Variants in ZNF536 observed in about 807,000 individuals in gnomAD.
The protein encoded by ZNF536 is zinc finger protein 536.
A neutral mutation model predicts 84.5 loss-of-function variants in ZNF536; 13 were observed. That is an observed-to-expected ratio of 0.15 (90% CI 0.10 to 0.24). ZNF536 has a LOEUF of 0.24. ZNF536 is among the 10% of genes least tolerant of loss of function. ZNF536 has a pLI of 1.00. For missense variants in ZNF536, 1,536 were observed against 1,747.5 expected (o/e 0.88, Z 2.16); for synonymous variants, 811 against 742.5 (o/e 1.09, Z -1.50).
intron 2 of ZNF536, among the ~76,000 whole-genome samples, chr19:30,310,384 C>T (rs2046462624): frequency 6.6e-6 from 1 of 152,204 alleles, no homozygotes; most frequent in Admixed American, 6.5e-5. Flanking sequence ...GCTGACATCC[C>T]TGCTTGAGAA....
intron 2 of ZNF536, among the ~76,000 whole-genome samples, chr19:30,452,656 G>T (rs1369179644): frequency 1.3e-5 from 2 of 152,196 alleles, no homozygotes; most frequent in East Asian, 3.9e-4. Context: ...GGAGTGAGTA[G>T]TTAACTCCTT....
At chr19:30,282,951 C>A (rs2045503369) in intron 1 of ZNF536, among the ~76,000 whole-genome samples, 1 of 152,126 alleles carries the variant, frequency 6.6e-6, no homozygotes, top group South Asian at 2.1e-4. Context: ...CCCTGTGGCA[C>A]CCTGAGAAAA....
intron 2 of ZNF536, among the ~76,000 whole-genome samples, chr19:30,292,482 C>T (rs1383325963): frequency 2.0e-5 from 3 of 152,056 alleles, no homozygotes; most frequent in South Asian, 4.1e-4. Context: ...TACAGGCATG[C>T]ACCATCACAC....
chr19:30,518,530 C>T (rs544713285), intron 2 of ZNF536, among the ~76,000 whole-genome samples: 1 of 152,322 alleles, frequency 6.6e-6, no homozygotes, highest in Admixed American at 6.5e-5. Flanking sequence ...TTTGAATAAC[C>T]TTGCAACATT....
intron 1 of ZNF536, among the ~76,000 whole-genome samples, chr19:30,235,089 A>G (rs1040503403): frequency 6.6e-6 from 1 of 152,176 alleles, no homozygotes; most frequent in African/African-American, 2.4e-5. Context: ...TGACACCTGC[A>G]GTGGCCACTA....
intron 1 of ZNF536, among the ~76,000 whole-genome samples, chr19:30,629,653 G>C (rs571169325): frequency 9.1e-4 from 138 of 152,362 alleles, no homozygotes; most frequent in African/African-American, 3.1e-3. Context: ...CTGCCTGCTG[G>C]CCGCAGTGAA....
intron 1 of ZNF536, among the ~76,000 whole-genome samples, chr19:30,229,641 G>T (rs1399850915): frequency 1.3e-5 from 2 of 152,208 alleles, no homozygotes; most frequent in East Asian, 3.9e-4. Flanking sequence ...CCTCTGCTCG[G>T]GGAGAGCCCA....
intron 2 of ZNF536, among the ~76,000 whole-genome samples, chr19:30,514,186 A>G (rs1395555764): frequency 2.0e-5 from 3 of 152,202 alleles, no homozygotes; most frequent in African/African-American, 4.8e-5. Flanking sequence ...GACCTCAGAC[A>G]CACCCCTTCT....
chr19:30,387,041 G>A (rs1185920248), intron 1 of ZNF536, among the ~76,000 whole-genome samples: 3 of 152,224 alleles, frequency 2.0e-5, no homozygotes, highest in Admixed American at 6.5e-5. Flanking sequence ...ATGTGCAGAC[G>A]AGAGTCGGTC....
At chr19:30,310,104 C>G (rs975402503) in intron 2 of ZNF536, among the ~76,000 whole-genome samples, 1 of 152,106 alleles carries the variant, frequency 6.6e-6, no homozygotes, top group Non-Finnish European at 1.5e-5. Context: ...TTTAGTATAA[C>G]GTGTTTGCAT....
chr19:30,655,601 GT>G (rs1399534416), intron 1 of ZNF536, among the ~76,000 whole-genome samples: 3 of 152,236 alleles, frequency 2.0e-5, no homozygotes, highest in African/African-American at 7.2e-5. Context: ...AGGGAATGAG[GT>G]TGGGGAATAG....
chr19:30,554,849 C>T (rs1261736478), intron 4 of ZNF536: 2 of 152,198 alleles, frequency 1.3e-5, no homozygotes, highest in African/African-American at 4.8e-5. Flanking sequence ...GTGGTCATCC[C>T]TAGGGAATGA....
At chr19:30,357,656 G>A (rs1024191295) in intron 3 of ZNF536, among the ~76,000 whole-genome samples, 2 of 152,302 alleles carry the variant, frequency 1.3e-5, no homozygotes, top group Non-Finnish European at 2.9e-5. Flanking sequence ...ATGGACAGCA[G>A]CACTGGGGAT....
intron 1 of ZNF536, among the ~76,000 whole-genome samples, chr19:30,239,146 A>G (rs2023756473): frequency 6.6e-6 from 1 of 152,208 alleles, no homozygotes; most frequent in Admixed American, 6.5e-5. Flanking sequence ...GGAATGCCCT[A>G]GTGATGCTGT....
intron 1 of ZNF536, among the ~76,000 whole-genome samples, chr19:30,700,213 CTTCTTTCTTTCT>C (rs60390336): frequency 6.8e-5 from 7 of 102,584 alleles, no homozygotes; most frequent in East Asian, 4.5e-4. Flanking sequence ...TCTTTCTTTC[CTTCTTTCTTTCT>C]TTCTTTCTTT....
At chr19:30,619,199 CT>C (rs917087931) in intron 1 of ZNF536, among the ~76,000 whole-genome samples, 86 of 151,412 alleles carry the variant, frequency 5.7e-4, no homozygotes, top group Middle Eastern at 3.4e-3. Context: ...TCTTGCTTAT[CT>C]TTTTTTTTCT....
intron 1 of ZNF536, among the ~76,000 whole-genome samples, chr19:30,571,033 G>A (rs2046527876): frequency 3.3e-5 from 5 of 152,204 alleles, no homozygotes; most frequent in Admixed American, 3.3e-4. Context: ...GGCCTGTGGA[G>A]TGTCTAACTG....
chr19:30,253,015 C>T lies in ZNF536; in HGVS notation c.-190+24342C>T, dbSNP rs1252764226. ...TGATGGTGATGGTGATGAGCAGTAG[C>T]GAGGTGAAAAGATTTGGAATCAGTT... On this transcript the variant is annotated intron_variant, in intron 1 of 5. Coordinates refer to the ZNF536 transcript ENST00000585628. Among the ~76,000 whole-genome samples, 5 of 152,114 alleles carry T rather than the reference C, an allele frequency of 3.3e-5. No homozygotes were observed. The East Asian group carries it at 9.6e-4, about 29-fold the overall frequency.
At chr19:30,344,464 C>T (rs114907873) in intron 2 of ZNF536, among the ~76,000 whole-genome samples, 2 of 112,766 alleles carry the variant, frequency 1.8e-5, no homozygotes, top group Non-Finnish European at 3.7e-5. Flanking sequence ...AAAAAAAAGA[C>T]AAGGATGCTG....
Sources: allele counts gnomAD v4.1 joint callset (sites outside exome capture counted in the v4.1 genomes callset), GRCh38; gene constraint gnomAD v4.1.1; transcripts MANE v1.5; gene names NCBI Gene and HGNC (gene_info 2026-07-23, HGNC 2026-07-21).